Variants in REC114 observed in about 807,000 individuals in gnomAD.
REC114 encodes the protein REC114 meiotic recombination protein, also known as meiotic recombination protein REC114.
A neutral mutation model predicts 31.3 loss-of-function variants in REC114; 27 were observed. The observed-to-expected ratio is 0.86, with a 90% CI of 0.64 to 1.19. REC114 has a LOEUF of 1.19. Among genes scored for constraint, REC114 ranks in the 50% most tolerant of loss-of-function variants. REC114 has a pLI of 0.00. For missense variants in REC114, 344 were observed against 326.9 expected, an observed-to-expected ratio of 1.05 and a Z score of -0.40; for synonymous variants, 134 against 127.7, an observed-to-expected ratio of 1.05 and a Z score of -0.33.
intron 1 of REC114, among the ~76,000 whole-genome samples, chr15:73,459,493 A>G (rs1368497557): frequency 2.6e-5 from 4 of 151,966 alleles, no homozygotes; most frequent in African/African-American, 4.8e-5. Context: ...TAGCCTCCCA[A>G]AGTGTTGGGA....
chr15:73,556,545 C>A (rs1894471170), intron 5 of REC114, among the ~76,000 whole-genome samples, 154 bp downstream of exon 5: 2 of 152,128 alleles, frequency 1.3e-5, no homozygotes, highest in Non-Finnish European at 2.9e-5. Context: ...TTTTCATCTA[C>A]CCCTTGCAGA....
At chr15:73,490,428 T>C (rs1893427113) in intron 2 of REC114, among the ~76,000 whole-genome samples, 1 of 152,180 alleles carries the variant, frequency 6.6e-6, no homozygotes, top group South Asian at 2.1e-4. Flanking sequence ...TAATAAAGTA[T>C]CTGGGCGCAG....
chr15:73,444,630 C>T (rs1210044560), intron 1 of REC114, among the ~76,000 whole-genome samples: 1 of 152,176 alleles, frequency 6.6e-6, no homozygotes, highest in African/African-American at 2.4e-5. Context: ...CCTCAAAAGT[C>T]ATCCGTGAGG....
At chr15:73,556,718 T>C (rs1457559348) in intron 5 of REC114, among the ~76,000 whole-genome samples, 2 of 152,134 alleles carry the variant, frequency 1.3e-5, no homozygotes, top group Non-Finnish European at 2.9e-5. Context: ...GAGGACTCCA[T>C]TGTAATTATG....
chr15:73,522,967 C>T (rs1050166016), intron 2 of REC114, among the ~76,000 whole-genome samples: 2 of 152,060 alleles, frequency 1.3e-5, no homozygotes, highest in Non-Finnish European at 2.9e-5. Context: ...TAATTTTAGC[C>T]ATTCTGCTGG....
intron 1 of REC114, among the ~76,000 whole-genome samples, chr15:73,449,931 T>C (rs547986973): frequency 1.3e-5 from 2 of 152,294 alleles, no homozygotes; most frequent in Non-Finnish European, 2.9e-5. Flanking sequence ...TAAAATCCTT[T>C]ACAGACAAGC....
At chr15:73,485,627 T>C (rs1056064557) in intron 2 of REC114, among the ~76,000 whole-genome samples, 1 of 152,198 alleles carries the variant, frequency 6.6e-6, no homozygotes, top group African/African-American at 2.4e-5. Flanking sequence ...GCTCACCACC[T>C]TGCTCCTGCT....
intron 2 of REC114, among the ~76,000 whole-genome samples, chr15:73,500,918 G>A (rs1250586090): frequency 6.6e-6 from 1 of 152,050 alleles, no homozygotes; most frequent in Non-Finnish European, 1.5e-5. Context: ...GGACCAGCCT[G>A]TGATGGGCCC....
At position 73,518,878 on chromosome 15, in the gene REC114, C is replaced by T. The variant is rs186468839; in HGVS notation, c.250-21607C>T. Among the ~76,000 whole-genome samples, 81 of 152,254 alleles carry T rather than the reference C, an allele frequency of 5.3e-4. 1 individual carries two copies. The highest frequency in any genetic ancestry group is 1.8e-3 in the African/African-American group (73 of 41,552). ...GAGCTACAGGGTCTGATTTTTAAGA[C>T]TAAAGAAAGGTTGTAATTATTTTTG... On this transcript the variant is annotated intron_variant, in intron 2 of 5. Coordinates refer to ENST00000331090, the MANE Select transcript of REC114 (RefSeq NM_001042367.2).
At chr15:73,473,454 C>T (rs1202547172) in intron 1 of REC114, among the ~76,000 whole-genome samples, 1 of 151,864 alleles carries the variant, frequency 6.6e-6, no homozygotes, top group African/African-American at 2.4e-5. Flanking sequence ...ACTGTGAAGT[C>T]TTACAGCAAC....
intron 5 of REC114, among the ~76,000 whole-genome samples, 167 bp from the exon 6 acceptor site, chr15:73,559,585 A>C (rs1313189504): frequency 6.6e-6 from 1 of 152,232 alleles, no homozygotes; most frequent in African/African-American, 2.4e-5. Flanking sequence ...ACAAAATTGT[A>C]AATGTAACAG....
At chr15:73,535,802 A>G (rs1248684955) in intron 2 of REC114, among the ~76,000 whole-genome samples, 1 of 151,776 alleles carries the variant, frequency 6.6e-6, no homozygotes, top group East Asian at 1.9e-4. Context: ...TAACCAAAAC[A>G]GCATGGGACT....
chr15:73,473,298 A>C (rs1893159752), intron 1 of REC114, among the ~76,000 whole-genome samples: 2 of 152,118 alleles, frequency 1.3e-5, no homozygotes, highest in South Asian at 4.2e-4. Flanking sequence ...CTGAGGCAGG[A>C]GAATCGCTTG....
intron 2 of REC114, among the ~76,000 whole-genome samples, chr15:73,530,527 G>C (rs1400681207): frequency 6.6e-6 from 1 of 152,096 alleles, no homozygotes; most frequent in Non-Finnish European, 1.5e-5. Context: ...GCATGCCTAT[G>C]GTCCCAGCTA....
intron 1 of REC114, among the ~76,000 whole-genome samples, chr15:73,470,985 CAA>C (rs1465702873): frequency 1.3e-5 from 2 of 152,048 alleles, no homozygotes; most frequent in African/African-American, 4.8e-5. Flanking sequence ...TGCTACAGGA[CAA>C]GAGCAGAGAG....
chr15:73,452,233 C>T (rs2151251400), intron 1 of REC114, among the ~76,000 whole-genome samples: 1 of 152,234 alleles, frequency 6.6e-6, no homozygotes, highest in Middle Eastern at 3.4e-3. Context: ...ATTTAGAAAA[C>T]CCAATCGTCT....
chr15:73,457,086 T>C (rs1892925624), intron 1 of REC114, among the ~76,000 whole-genome samples: 2 of 150,916 alleles, frequency 1.3e-5, no homozygotes, highest in South Asian at 2.1e-4. Context: ...TTTTTTTTTT[T>C]TCCAGATAAG....
chr15:73,474,084 G>T (rs937016240), intron 2 of REC114, among the ~76,000 whole-genome samples, 163 bp downstream of exon 2: 2 of 152,200 alleles, frequency 1.3e-5, no homozygotes, highest in Non-Finnish European at 2.9e-5. Context: ...ATACAGAAAC[G>T]TACTGAATAT....
chr15:73,513,016 C>G (rs1183344251), intron 2 of REC114, among the ~76,000 whole-genome samples: 1 of 151,304 alleles, frequency 6.6e-6, no homozygotes, highest in Non-Finnish European at 1.5e-5. Context: ...GGGAAGTTCT[C>G]CTGGATAATA....
Sources: allele counts gnomAD v4.1 joint callset (sites outside exome capture counted in the v4.1 genomes callset), GRCh38; gene constraint gnomAD v4.1.1; transcripts MANE v1.5; gene names NCBI Gene and HGNC (gene_info 2026-07-23, HGNC 2026-07-21).